The following CHLSN variants were observed in gnomAD, a reference collection of about 807,000 sequenced individuals.
CHLSN encodes the protein cholesin, also known as protein cholesin.
the CHLSN span, chr7:1,057,489 C>T: frequency 1.6e-5 from 12 of 739,702 alleles, no homozygotes; most frequent in Non-Finnish European, 2.7e-5. Context: ...CTTCTTTCCG[C>T]AGGGTCGCGG....
the CHLSN span, chr7:1,028,602 C>G: frequency 1.7e-4 from 169 of 983,746 alleles, 1 homozygote; most frequent in East Asian, 2.3e-4. Context: ...GGCGCACCCC[C>G]GCCCGCGCAG....
At chr7:1,042,706 C>A in the CHLSN span, among the ~76,000 whole-genome samples, 1 of 152,152 alleles carries the variant, frequency 6.6e-6, no homozygotes, top group Non-Finnish European at 1.5e-5. Flanking sequence ...CCACAGAGCA[C>A]CCCTGTGGGT....
At chr7:1,063,635 A>G in the CHLSN span, among the ~76,000 whole-genome samples, 3 of 152,210 alleles carry the variant, frequency 2.0e-5, no homozygotes, top group Non-Finnish European at 4.4e-5. Context: ...ACGCTCACCA[A>G]GTGTGGTCTC....
chr7:1,092,925 G>T, the CHLSN span: 8 of 1,405,480 alleles, frequency 5.7e-6, no homozygotes, highest in Non-Finnish European at 8.0e-6. Context: ...TGGACACAAG[G>T]CACGGCCACG....
the CHLSN span, among the ~76,000 whole-genome samples, chr7:1,073,348 C>A: frequency 4.6e-5 from 7 of 152,140 alleles, no homozygotes; most frequent in Non-Finnish European, 1.0e-4. Context: ...ACTCCCGTTT[C>A]GGAGACAAGT....
chr7:1,046,713 G>A, the CHLSN span, among the ~76,000 whole-genome samples: 1 of 149,446 alleles, frequency 6.7e-6, no homozygotes. Flanking sequence ...GGGACAAGGT[G>A]GAGGTGGGGC....
chr7:1,076,668 T>C, the CHLSN span, among the ~76,000 whole-genome samples: 1 of 152,240 alleles, frequency 6.6e-6, no homozygotes, highest in Non-Finnish European at 1.5e-5. Flanking sequence ...AAGCTGGCTC[T>C]GAATTAATGT....
chr7:1,123,981 C>T, the CHLSN span, among the ~76,000 whole-genome samples: 1 of 152,114 alleles, frequency 6.6e-6, no homozygotes, highest in South Asian at 2.1e-4. The surrounding 1 kb of genome is among the most constrained non-coding windows in gnomAD (Gnocchi z 4.4). Context: ...CTGGGCGGGC[C>T]TGAGACCAAC....
At chr7:1,079,847 C>T in the CHLSN span, among the ~76,000 whole-genome samples, 1 of 152,260 alleles carries the variant, frequency 6.6e-6, no homozygotes, top group Non-Finnish European at 1.5e-5. Context: ...TTTCTAGAAC[C>T]TCTCTGAAGG....
the CHLSN span, chr7:997,546 C>T: frequency 6.3e-6 from 8 of 1,275,112 alleles, no homozygotes; most frequent in East Asian, 3.1e-5. Flanking sequence ...AACCCGGCCC[C>T]CACCGCCGGA....
At chr7:1,070,518 T>TGCATACAC in the CHLSN span, among the ~76,000 whole-genome samples, 1 of 134,880 alleles carries the variant, frequency 7.4e-6, no homozygotes, top group South Asian at 2.3e-4. Flanking sequence ...CATGCACACA[T>TGCATACAC]GCATACACAT....
the CHLSN span, among the ~76,000 whole-genome samples, chr7:1,006,245 G>A: frequency 6.6e-6 from 1 of 152,218 alleles, no homozygotes; most frequent in Non-Finnish European, 1.5e-5. Context: ...AGAGCTGGGT[G>A]ACCAAGCCTG....
the CHLSN span, chr7:1,057,658 T>G: frequency 1.3e-6 from 1 of 771,432 alleles, no homozygotes; most frequent in Non-Finnish European, 2.4e-6. Flanking sequence ...AACGCCCTGC[T>G]GGTGCTGGCC....
chr7:1,020,130 C>T, the CHLSN span, among the ~76,000 whole-genome samples: 1 of 142,472 alleles, frequency 7.0e-6, no homozygotes, highest in Non-Finnish European at 1.5e-5. Context: ...GGGCACCAGG[C>T]CCAGCAGTGC....
chr7:993,849 T>A, the CHLSN span, among the ~76,000 whole-genome samples: 3 of 152,022 alleles, frequency 2.0e-5, no homozygotes, highest in African/African-American at 4.8e-5. Context: ...GCCGAACCTG[T>A]GTCACTCTTG....
chr7:1,103,290 G>A, the CHLSN span, among the ~76,000 whole-genome samples: 1 of 152,224 alleles, frequency 6.6e-6, no homozygotes, highest in Admixed American at 6.5e-5. Flanking sequence ...CCTGGGCTGA[G>A]ATTGTCGGGT....
At chr7:1,041,478 CTAA>C in the CHLSN span, among the ~76,000 whole-genome samples, 1 of 152,086 alleles carries the variant, frequency 6.6e-6, no homozygotes, top group African/African-American at 2.4e-5. Flanking sequence ...CAATTCCTTA[CTAA>C]TGTTACTGCC....
chr7:1,013,560 A>G, the CHLSN span, among the ~76,000 whole-genome samples: 2 of 152,212 alleles, frequency 1.3e-5, no homozygotes, highest in Non-Finnish European at 2.9e-5. Flanking sequence ...TCCACCCCAC[A>G]GACCCTGCAG....
the CHLSN span, among the ~76,000 whole-genome samples, chr7:1,090,315 G>T: frequency 6.6e-6 from 1 of 152,242 alleles, no homozygotes. Flanking sequence ...GACTGCCAGT[G>T]TCTGCAGGCT....
Sources: gnomAD v4.1 joint callset for allele counts (sites outside exome capture counted in the v4.1 genomes callset) on GRCh38, gnomAD v4.1.1 for gene constraint, Gnocchi (gnomAD v3.1) non-coding constraint, MANE v1.5 for transcripts, NCBI Gene and HGNC (gene_info 2026-07-23, HGNC 2026-07-21) for gene names.